FAM98B: variants seen among roughly 807,000 people sequenced by gnomAD.
FAM98B encodes tRNA-splicing ligase complex subunit FAM98B.
In FAM98B, 32 loss-of-function variants were observed where a neutral mutation model predicts 43.9. The ratio of observed to expected loss-of-function variants is 0.73; its 90% CI spans 0.55 to 0.98. FAM98B has a LOEUF of 0.98. Among genes scored for constraint, FAM98B ranks in the 50% least tolerant of loss-of-function variants. The pLI, the probability that FAM98B is intolerant of heterozygous loss-of-function variation, is 0.00. For synonymous variants in FAM98B, 190 were observed against 174.0 expected, an observed-to-expected ratio of 1.09 and a Z score of -0.72; for missense variants, 514 against 522.9, an observed-to-expected ratio of 0.98 and a Z score of 0.17.
At position 38,485,754 on chromosome 15, in the gene FAM98B, C is replaced by T. The variant is rs965096452; in HGVS notation, c.*1095C>T. ...AGGAATGAGACACTTACCATCATCT[C>T]AGGTTGTTTCTTAAAGACCTAAATA... On this transcript the variant is annotated 3_prime_UTR_variant, in exon 8 of 8. Coordinates refer to ENST00000397609, the MANE Select transcript of FAM98B (RefSeq NM_173611.4). 2.6e-5 allele frequency: 4 copies of T among 152,170 alleles called. No homozygotes were observed. Among genetic ancestry groups the T allele is most frequent in the African/African-American group, 9.7e-5 (4 of 41,434 alleles). The allele number at this position is 152,170 out of a possible 1,614,324, so 9.4% of individuals were successfully genotyped here. A position where few individuals can be genotyped will look rare whatever the true frequency, so the allele number is the denominator to read the frequency against.
chr15:38,457,550 A>G (rs1435378491), intron 1 of FAM98B, among the ~76,000 whole-genome samples: 3 of 152,168 alleles, frequency 2.0e-5, no homozygotes, highest in Non-Finnish European at 1.5e-5. Context: ...ACATGTTTGG[A>G]TAAGTGATTT....
chr15:38,471,508 G>A lies in FAM98B; in HGVS notation c.531+1103G>A, dbSNP rs114305128. ...ATTCAAAGAGGCTATTCCATTTTAT[G>A]GTTTTTATTTAGTATTAACATTCTC... On this transcript the variant is annotated intron_variant, in intron 4 of 7. Coordinates refer to ENST00000397609, the MANE Select transcript of FAM98B (RefSeq NM_173611.4). 3.1e-3 allele frequency among the ~76,000 whole-genome samples: 464 copies of A among 152,044 alleles called. 2 individuals carry two copies. The highest frequency in any genetic ancestry group is 0.011 in the African/African-American group (444 of 41,480).
At chr15:38,465,171 A>G (rs1890009635) in intron 2 of FAM98B, 98 bp from the exon 3 acceptor site, 2 of 1,222,152 alleles carry the variant, frequency 1.6e-6, no homozygotes, top group Non-Finnish European at 2.2e-6. Flanking sequence ...GTGAAAATTT[A>G]GAATTGAATG....
chr15:38,469,496 G>A (rs530433154), intron 3 of FAM98B, among the ~76,000 whole-genome samples: 2 of 152,216 alleles, frequency 1.3e-5, no homozygotes, highest in East Asian at 3.9e-4. Context: ...TTAAATTGTT[G>A]ATTTGGTGGT....
Position 38,484,826 on chromosome 15 carries a change from A to G in FAM98B, c.*167A>G. 1 of 1,050,046 alleles carries G rather than the reference A, an allele frequency of 9.5e-7. No individual in the cohort carries two copies. The highest frequency in any genetic ancestry group is 1.3e-6 in the Non-Finnish European group (1 of 788,512). The allele number at this position is 1,050,046 out of a possible 1,614,324, so 65.0% of individuals were successfully genotyped here. On this transcript the variant is annotated 3_prime_UTR_variant, in exon 8 of 8. Transcript: ENST00000397609. ...TGTAAGAACATTGTTTTTTATTACCAGTTGATCTCTCAAATGAAGTGATGA... is the reference window on the plus strand; with the variant it reads ...TGTAAGAACATTGTTTTTTATTACCGGTTGATCTCTCAAATGAAGTGATGA...
chr15:38,476,785 C>T (rs62002945), intron 6 of FAM98B, among the ~76,000 whole-genome samples: 1,728 of 150,160 alleles, frequency 0.012, 20 homozygotes, highest in Non-Finnish European at 0.019. Context: ...TCTCCCATGT[C>T]GGTGGCTTCC....
chr15:38,459,363 A>G (rs1595796170), intron 1 of FAM98B: 1 of 445,800 alleles, frequency 2.2e-6, no homozygotes, highest in Non-Finnish European at 4.5e-6. Flanking sequence ...TCCTCCTTAT[A>G]TGGATGAGCT....
Position 38,473,506 on chromosome 15 carries a change from T to G in FAM98B, c.533T>G (p.Val178Gly). 6.3e-7 allele frequency: 1 copy of G among 1,597,166 alleles called. No homozygotes were observed. The highest frequency in any genetic ancestry group is 8.5e-7 in the Non-Finnish European group (1 of 1,171,764). ...PHMLNQVESKVKDILSKVQKN... is the reference protein window; with the variant it reads ...PHMLNQVESKGKDILSKVQKN... ...ACAATCTTTTATATTTACTTTTAGG[T>G]GAAAGATATTCTCTCAAAGGTCCAG... The change falls in exon 5 of 8, where the codon GTG (valine) becomes GGG (glycine). Residue 178 changes from valine (V) to glycine (G), a missense_variant and splice_region_variant. Transcript: ENST00000397609.
Position 38,466,182 on chromosome 15 carries a change from TTGTGTG to T in FAM98B, c.352+811_352+816del, listed in dbSNP as rs35919139. 8.2e-3 allele frequency among the ~76,000 whole-genome samples: 1,209 copies of T among 147,808 alleles called. 14 individuals are homozygous for T. Among genetic ancestry groups the T allele is most frequent in the African/African-American group, 0.02 (801 of 39,954 alleles). On this transcript the variant is annotated intron_variant, in intron 3 of 7. Coordinates refer to ENST00000397609, the MANE Select transcript of FAM98B (RefSeq NM_173611.4). The stretch of plus-strand genomic sequence containing the variant: ...AAGTTTGTTTCATTAGAGATGAAAT[TTGTGTG>T]TGTGTGTGTGTGTGTGTGTGTGTGT...
At chr15:38,479,031 C>T (rs532964661) in intron 6 of FAM98B, among the ~76,000 whole-genome samples, 1 of 152,030 alleles carries the variant, frequency 6.6e-6, no homozygotes, top group South Asian at 2.1e-4. Flanking sequence ...ATCATCATAG[C>T]TCACTGCAAC....
At chr15:38,471,500 C>T (rs535712506) in intron 4 of FAM98B, among the ~76,000 whole-genome samples, 11 of 152,064 alleles carry the variant, frequency 7.2e-5, no homozygotes, top group Admixed American at 2.0e-4. Context: ...GAGGCTATTC[C>T]ATTTTATGGT....
At chr15:38,481,573 T>C (rs760145073) in intron 7 of FAM98B, 114 bp downstream of exon 7, 36 of 1,612,176 alleles carry the variant, frequency 2.2e-5, no homozygotes, top group Non-Finnish European at 9.3e-6. Context: ...GAAAAAAGAG[T>C]GGCAGGGGGG....
chr15:38,484,121 ATTTG>A, intron 7 of FAM98B, 130 bp from the exon 8 acceptor site: 2 of 722,434 alleles, frequency 2.8e-6, no homozygotes, highest in Non-Finnish European at 4.5e-6. Flanking sequence ...TTTAATATTA[ATTTG>A]TTCTGCCATG....
intron 1 of FAM98B, chr15:38,458,931 T>C: frequency 2.4e-6 from 1 of 422,066 alleles, no homozygotes; most frequent in Non-Finnish European, 4.8e-6. Context: ...AGGGTTTTCC[T>C]CAGGTTCCTC....
In FAM98B at chr15:38,470,259, A is replaced by G. The variant is rs1890103691; in HGVS notation, c.385A>G (p.Ile129Val). ...AAGTACAGAACTTCAAGCTTCACAG[A>G]TATTACAGAACAAGAAACATAAAAA... ...FLSTELQASQ[I>V]LQNKKHKNSQ... Residue 129 changes from isoleucine to valine, a missense_variant, in exon 4 of 8, where the codon ATA becomes GTA. Ile to Val is a conservative substitution (Grantham distance 29). This residue lies in a region of FAM98B where 469 missense variants were observed against 451.8 expected (regional missense o/e 1.04). Coordinates refer to ENST00000397609, the MANE Select transcript of FAM98B (RefSeq NM_173611.4). 2 of 1,546,142 alleles carry G rather than the reference A, an allele frequency of 1.3e-6. No individual in the cohort carries two copies. Among genetic ancestry groups the G allele is most frequent in the Admixed American group, 2.0e-5 (1 of 50,680 alleles).
intron 1 of FAM98B, among the ~76,000 whole-genome samples, chr15:38,461,177 A>G (rs1304661311): frequency 6.7e-6 from 1 of 148,810 alleles, no homozygotes; most frequent in Non-Finnish European, 1.5e-5. Flanking sequence ...AATTTCTTCA[A>G]GAGTTTATGA....
intron 1 of FAM98B, among the ~76,000 whole-genome samples, chr15:38,462,798 A>G (rs574787968): frequency 6.6e-6 from 1 of 152,364 alleles, no homozygotes; most frequent in East Asian, 1.9e-4. Context: ...ACAGTGACCA[A>G]CCTTTGGTAG....
intron 1 of FAM98B, among the ~76,000 whole-genome samples, chr15:38,460,968 G>A (rs892973939): frequency 2.6e-5 from 4 of 152,032 alleles, no homozygotes; most frequent in African/African-American, 7.2e-5. Context: ...CCACTATTGC[G>A]ATTTTGATTG....
chr15:38,462,008 C>A (rs887165344), intron 1 of FAM98B, among the ~76,000 whole-genome samples: 1 of 152,072 alleles, frequency 6.6e-6, no homozygotes, highest in Non-Finnish European at 1.5e-5. Flanking sequence ...TGGAAACAAT[C>A]CAAGTGTCCT....
Sources: allele counts gnomAD v4.1 joint callset (sites outside exome capture counted in the v4.1 genomes callset), GRCh38; gene constraint gnomAD v4.1.1; regional missense constraint gnomAD v4.1.1; transcripts MANE v1.5; gene names NCBI Gene and HGNC (gene_info 2026-07-23, HGNC 2026-07-21).